The following PPP1R9A variants were observed in gnomAD, a reference collection of about 807,000 sequenced individuals.
The protein encoded by PPP1R9A is neurabin-1.
In PPP1R9A, 59 loss-of-function variants were observed where a neutral mutation model predicts 141.9. The ratio of observed to expected loss-of-function variants is 0.42; its 90% confidence interval spans 0.34 to 0.52. The LOEUF is 0.52. Ranked by LOEUF, PPP1R9A falls within the 20% of genes least tolerant of loss-of-function variation. The pLI, the probability that PPP1R9A is intolerant of heterozygous loss-of-function variation, is 0.10. For synonymous variants in PPP1R9A, 500 were observed against 569.7 expected (o/e 0.88, Z 1.74); for missense variants, 1,444 against 1,611.9 (o/e 0.90, Z 1.78).
At chr7:95,286,975 T>C in intron 18 of PPP1R9A, 1 of 914,984 alleles carries the variant, frequency 1.1e-6, no homozygotes. Context: ...CTTTTTTTTT[T>C]CTTGTAAGCT....
intron 2 of PPP1R9A, among the ~76,000 whole-genome samples, chr7:94,920,800 C>T (rs529040132): frequency 6.6e-6 from 1 of 152,250 alleles, no homozygotes; most frequent in African/African-American, 2.4e-5. Context: ...GAGAATCTTG[C>T]GGATTAGGTC....
At chr7:95,084,582 C>G (rs1816350130) in intron 2 of PPP1R9A, among the ~76,000 whole-genome samples, 1 of 151,884 alleles carries the variant, frequency 6.6e-6, no homozygotes, top group African/African-American at 2.4e-5. Context: ...TTTTGTAGCC[C>G]TTCCCAGAAG....
At position 95,283,756 on chromosome 7, in the gene PPP1R9A, C is replaced by T. The variant is rs557146269; in HGVS notation, c.3297-262C>T. ...CCCCTCCCTGATTATAATTCATCTA[C>T]GTACACTTATTAGGCACATTTTATA... On this transcript the variant is annotated intron_variant, in intron 16 of 19. Coordinates refer to ENST00000433360, the MANE Select transcript of PPP1R9A (RefSeq NM_001166160.2). Among the ~76,000 whole-genome samples, 10 of 152,226 alleles carry T rather than the reference C, an allele frequency of 6.6e-5. 1 individual carries two copies. The highest frequency in any genetic ancestry group is 2.1e-4 in the South Asian group (1 of 4,820).
chr7:95,070,148 T>G (rs968190114), intron 2 of PPP1R9A, among the ~76,000 whole-genome samples: 8 of 152,144 alleles, frequency 5.3e-5, no homozygotes, highest in African/African-American at 1.9e-4. Context: ...TTGGCTTACT[T>G]GGTTTTCTTT....
chr7:95,149,055 A>G lies in PPP1R9A; in HGVS notation c.1650-12812A>G, dbSNP rs373709703. Among the ~76,000 whole-genome samples, 124 of 152,286 alleles carry G rather than the reference A, an allele frequency of 8.1e-4. 2 individuals carry two copies. The highest frequency in any genetic ancestry group is 2.9e-3 in the African/African-American group (119 of 41,572). ...ATAAAAGGAATTATATACAGAGACC[A>G]GGTGGGATTTATCCCAGGTATAGAA... On this transcript the variant is annotated intron_variant, in intron 4 of 19. Transcript: ENST00000433360.
intron 2 of PPP1R9A, among the ~76,000 whole-genome samples, chr7:95,010,647 G>A (rs1240988408): frequency 6.6e-6 from 1 of 152,102 alleles, no homozygotes; most frequent in Admixed American, 6.6e-5. Flanking sequence ...AGATGGAGTA[G>A]TCCCTTATGT....
chr7:94,943,599 G>T (rs1795569999), intron 2 of PPP1R9A, among the ~76,000 whole-genome samples: 1 of 138,406 alleles, frequency 7.2e-6, no homozygotes, highest in Admixed American at 7.2e-5. Context: ...GAGAGGTCTT[G>T]AGGAAGTCAA....
At chr7:95,111,144 A>G (rs1329763163) in intron 2 of PPP1R9A, 115 bp from the exon 3 acceptor site, 5 of 1,157,426 alleles carry the variant, frequency 4.3e-6, no homozygotes, top group Admixed American at 5.4e-5. Context: ...TTTTAAAGAC[A>G]AAACAGTTGT....
intron 2 of PPP1R9A, among the ~76,000 whole-genome samples, chr7:94,987,202 A>G (rs1263156738): frequency 6.6e-6 from 1 of 152,182 alleles, no homozygotes; most frequent in East Asian, 1.9e-4. Context: ...TCTCTTTTAA[A>G]CCTAGCTTTG....
At chr7:95,090,629 G>A (rs1398008552) in intron 2 of PPP1R9A, among the ~76,000 whole-genome samples, 1 of 151,784 alleles carries the variant, frequency 6.6e-6, no homozygotes, top group Non-Finnish European at 1.5e-5. Flanking sequence ...TCAACATAGT[G>A]AAACACCATC....
intron 5 of PPP1R9A, among the ~76,000 whole-genome samples, chr7:95,196,393 T>G (rs577988934): frequency 1.3e-5 from 2 of 152,284 alleles, no homozygotes; most frequent in East Asian, 3.9e-4. Context: ...AATGATACTA[T>G]TACTTCGAAA....
chr7:95,100,423 A>G (rs2152394726), intron 2 of PPP1R9A, among the ~76,000 whole-genome samples: 1 of 152,334 alleles, frequency 6.6e-6, no homozygotes, highest in Non-Finnish European at 1.5e-5. Flanking sequence ...TCCAAATAAT[A>G]TAAGAAGAAT....
chr7:94,934,402 CAT>C (rs757510121), intron 2 of PPP1R9A, among the ~76,000 whole-genome samples: 11 of 152,248 alleles, frequency 7.2e-5, no homozygotes, highest in Non-Finnish European at 1.3e-4. Flanking sequence ...AGATCTCTAA[CAT>C]GTGGTATGAA....
intron 4 of PPP1R9A, among the ~76,000 whole-genome samples, chr7:95,136,455 G>A (rs957089649): frequency 6.6e-6 from 1 of 152,144 alleles, no homozygotes; most frequent in Non-Finnish European, 1.5e-5. Flanking sequence ...ATAAAATGAT[G>A]CAAGTCGTAT....
chr7:95,270,561 G>A lies in PPP1R9A; in HGVS notation c.3124+1054G>A, dbSNP rs529527412. Among the ~76,000 whole-genome samples the A allele has an allele frequency of 4.5e-4, 69 of 152,232 alleles. 1 individual carries two copies. In the South Asian group the frequency reaches 0.013, roughly 28 times the overall value. ...CTAACGGAATATCAAATTAGAGGAAGTAAAAGATTTTTTTCTAGAGATTTG... is the reference window on the plus strand; with the variant it reads ...CTAACGGAATATCAAATTAGAGGAAATAAAAGATTTTTTTCTAGAGATTTG... On this transcript the variant is annotated intron_variant, in intron 14 of 19. Transcript: ENST00000433360.
intron 2 of PPP1R9A, among the ~76,000 whole-genome samples, chr7:94,977,099 A>G (rs1034356644): frequency 6.6e-5 from 10 of 152,130 alleles, no homozygotes; most frequent in African/African-American, 1.9e-4. Context: ...ACTGAAGGAT[A>G]TGGGGGCTTG....
intron 8 of PPP1R9A, among the ~76,000 whole-genome samples, chr7:95,240,633 G>T (rs1797319087): frequency 1.3e-5 from 2 of 151,704 alleles, no homozygotes. Flanking sequence ...CAGTTTAATT[G>T]TAATTAAATA....
Position 94,930,153 on chromosome 7 carries a change from A to G in PPP1R9A, c.1395+18645A>G, listed in dbSNP as rs577275081. The stretch of plus-strand genomic sequence containing the variant: ...ATCTGAGTGTTAGATCCAGGTATAT[A>G]TGTCATTGGGATACTGTGAGGAGAG... On this transcript the variant is annotated intron_variant, in intron 2 of 19. Transcript: ENST00000433360. Among the ~76,000 whole-genome samples the G allele has an allele frequency of 1.6e-4, 24 of 152,262 alleles. No individual in the cohort carries two copies. In the South Asian group the frequency reaches 3.1e-3, roughly 20 times the overall value.
chr7:95,121,633 T>G (rs1488158730), intron 4 of PPP1R9A, among the ~76,000 whole-genome samples: 2 of 152,078 alleles, frequency 1.3e-5, no homozygotes, highest in Non-Finnish European at 2.9e-5. Context: ...ACTGGGTAAT[T>G]TATAATGAAC....
Sources: allele counts gnomAD v4.1 joint callset (sites outside exome capture counted in the v4.1 genomes callset), GRCh38; gene constraint gnomAD v4.1.1; transcripts MANE v1.5; gene names NCBI Gene and HGNC (gene_info 2026-07-23, HGNC 2026-07-21).